Variants in SEC16B observed in about 807,000 individuals in gnomAD.
SEC16B encodes the protein SEC16 homolog B, endoplasmic reticulum export factor.
SEC16B carries 115 observed loss-of-function variants against 141.8 expected under a neutral mutation model. The ratio of observed to expected loss-of-function variants is 0.81; its 90% confidence interval spans 0.70 to 0.95. The LOEUF (loss-of-function observed/expected upper bound fraction) is 0.95, where lower values mean the gene tolerates loss of function less well. Among genes scored for constraint, SEC16B ranks in the 40% least tolerant of loss-of-function variants. The pLI, the probability that SEC16B is intolerant of heterozygous loss-of-function variation, is 0.00. For synonymous variants in SEC16B, 493 were observed against 492.5 expected (o/e 1.00, Z -0.01); for missense variants, 1,291 against 1,312.3 (o/e 0.98, Z 0.25).
chr1:177,936,230 C>G (rs1557968099), intron 20 of SEC16B, 68 bp downstream of exon 20: 3 of 1,337,928 alleles, frequency 2.2e-6, no homozygotes, highest in Non-Finnish European at 3.2e-6. Flanking sequence ...GCTGGGAAAC[C>G]AAGGCAACTG....
At chr1:177,980,133 T>C (rs921829310) in intron 1 of SEC16B, among the ~76,000 whole-genome samples, 15 of 152,212 alleles carry the variant, frequency 9.9e-5, no homozygotes, top group African/African-American at 3.1e-4. Flanking sequence ...TTGCTAGACG[T>C]ATTCCCTTTT....
rs866835306 is a variant in SEC16B, at chr1:177,964,371, G to A, written c.534-92C>T. On this transcript the variant is annotated intron_variant, in intron 4 of 25. Transcript: ENST00000308284. ...GCCGGAAGCTGACCTGCTCCAAAGC[G>A]TGGGCAGGTACCATGTCAGCCTGGG... 27 of 778,432 alleles carry A rather than the reference G, an allele frequency of 3.5e-5. No homozygotes were observed. In the Middle Eastern group the frequency reaches 4.3e-3, roughly 124 times the overall value. 48.2% of individuals were successfully genotyped at this position (778,432 alleles called of 1,614,324 possible).
chr1:177,939,623 C>T, intron 18 of SEC16B, 79 bp downstream of exon 18: 1 of 1,249,954 alleles, frequency 8.0e-7, no homozygotes, highest in Non-Finnish European at 1.1e-6. Flanking sequence ...AGGGCGAGTG[C>T]TTTCATAAAT....
Position 177,951,937 on chromosome 1 carries a change from C to T in SEC16B, c.1522G>A (p.Gly508Arg), listed in dbSNP as rs1208783041. 3 of 1,606,322 alleles carry T rather than the reference C, an allele frequency of 1.9e-6. No individual in the cohort carries two copies. The South Asian group carries it at 3.4e-5, about 18-fold the overall frequency. Residue 508 changes from glycine (G) to arginine (R), a missense_variant, in exon 12 of 26, where the codon GGG (glycine) becomes AGG (arginine). This residue lies in a region of SEC16B where 681 missense variants were observed against 675.5 expected (regional missense o/e 1.01). Transcript: ENST00000308284. The part of the protein sequence containing the change: ...PLQTLFQLMS[G>R]RIPQAATCCG... ...ACCGTGGCTGCCTGTGGAATCCTCC[C>T]CGACATGAGCTGGAAGAGGGTCTGC...
upstream of SEC16B, among the ~76,000 whole-genome samples, chr1:177,972,810 G>C (rs562157067): frequency 6.6e-4 from 100 of 152,282 alleles, no homozygotes; most frequent in Admixed American, 1.3e-3. Context: ...AGGCCTCCAA[G>C]AAGTAATTAG....
At chr1:177,950,230 G>C (rs920654922) in intron 12 of SEC16B, among the ~76,000 whole-genome samples, 1 of 152,088 alleles carries the variant, frequency 6.6e-6, no homozygotes, top group African/African-American at 2.4e-5. Flanking sequence ...CAAGATACGA[G>C]AAAAGGCTCC....
chr1:177,937,706 TTTTGTTTG>T (rs374792336), intron 18 of SEC16B, among the ~76,000 whole-genome samples, 193 bp from the exon 19 acceptor site: 59 of 152,264 alleles, frequency 3.9e-4, no homozygotes, highest in African/African-American at 1.4e-3. Flanking sequence ...GTTTACAGAA[TTTTGTTTG>T]TTTGTTTTTT....
intron 21 of SEC16B, 63 bp from the exon 22 acceptor site, chr1:177,933,375 A>G (rs2101899380): frequency 1.3e-6 from 2 of 1,556,688 alleles, no homozygotes; most frequent in East Asian, 2.4e-5. Flanking sequence ...TATGAGGTTA[A>G]CCCGCCCCCA....
chr1:177,935,792 A>G (rs1369525795), intron 20 of SEC16B, among the ~76,000 whole-genome samples: 1 of 152,158 alleles, frequency 6.6e-6, no homozygotes, highest in East Asian at 1.9e-4. Context: ...TGGGACCAAC[A>G]CTGCCCATTG....
intron 14 of SEC16B, chr1:177,945,520 T>A (rs2101931496): frequency 6.6e-6 from 1 of 152,356 alleles, no homozygotes; most frequent in South Asian, 2.1e-4. Flanking sequence ...ATGAGCTGGG[T>A]ACACTGCCTC....
chr1:177,937,302 A>G lies in SEC16B; in HGVS notation c.2415T>C (p.His805=). ...PRPFYSVPET[H]LPGTGSSVAV... ...CCACGCTGCTGCCAGTCCCTGGTAGATGGGTCTCAGGAACTGAGTAAAAAG... is the reference window on the plus strand; with the variant it reads ...CCACGCTGCTGCCAGTCCCTGGTAGGTGGGTCTCAGGAACTGAGTAAAAAG... The change falls in exon 19 of 26, where the codon CAT becomes CAC. Residue 805 remains histidine, a synonymous_variant. Coordinates refer to ENST00000308284, the MANE Select transcript of SEC16B (RefSeq NM_033127.4). The G allele has an allele frequency of 1.9e-6, 3 of 1,613,826 alleles. No homozygotes were observed. The highest frequency in any genetic ancestry group is 1.7e-6 in the Non-Finnish European group (2 of 1,179,842).
chr1:177,965,567 A>T (rs1653451546), intron 3 of SEC16B, among the ~76,000 whole-genome samples: 1 of 152,226 alleles, frequency 6.6e-6, no homozygotes, highest in Admixed American at 6.5e-5. Context: ...AGCCCAGCAG[A>T]TGTCCTTAAG....
chr1:177,956,717 C>A (rs754310903), intron 10 of SEC16B, among the ~76,000 whole-genome samples: 12 of 152,120 alleles, frequency 7.9e-5, no homozygotes, highest in Non-Finnish European at 1.8e-4. Context: ...GAGTTTTTGA[C>A]TTTACAATGC....
At chr1:177,963,350 A>T (rs1188294608) in intron 5 of SEC16B, among the ~76,000 whole-genome samples, 1 of 151,828 alleles carries the variant, frequency 6.6e-6, no homozygotes, top group South Asian at 2.1e-4. Context: ...CAGGCCTGTA[A>T]TCCCAGCACT....
At position 177,932,799 on chromosome 1, in the gene SEC16B, G is replaced by A; in HGVS notation, c.2831C>T (p.Pro944Leu). 1.2e-6 allele frequency: 2 copies of A among 1,610,608 alleles called. No homozygotes were observed. The highest frequency in any genetic ancestry group is 1.7e-6 in the Non-Finnish European group (2 of 1,178,750). The part of the protein sequence containing the change: ...SSDSPDSEET[P>L]RASSPHQAGL... ...AGCCTGGTGGGGAGAAGATGCTCTG[G>A]GGGTCTCCTGCTTTGTGGAGAAAGA... Residue 944 changes from proline to leucine, a missense_variant, in exon 23 of 26, where the codon CCC (proline) becomes CTC (leucine). Physicochemically the swap from Pro to Leu is moderately conservative, Grantham distance 98. Coordinates refer to ENST00000308284, the MANE Select transcript of SEC16B (RefSeq NM_033127.4).
In SEC16B at chr1:177,964,245, C is replaced by T. The variant is rs1653323038; in HGVS notation, c.568G>A (p.Ala190Thr). The change falls in exon 5 of 26, where the codon GCT becomes ACT. Residue 190 changes from alanine to threonine, a missense_variant. Physicochemically the swap from Ala to Thr is moderately conservative, Grantham distance 58 (BLOSUM62 0). Around this residue, in one of 3 missense-constraint regions of SEC16B, gnomAD observed 681 missense variants for 675.5 expected, o/e 1.01. Transcript: ENST00000308284. Reference sequence around the variant, plus strand: ...GGCCACTCCTGTCCAGAGTTGGAAGCAGGGCTGTCTTTACAAGGGTTCCTA... The same window carrying T: ...GGCCACTCCTGTCCAGAGTTGGAAGTAGGGCTGTCTTTACAAGGGTTCCTA... ...NSRNPCKDSP[A>T]SNSGQEWPGE... 1 of 1,613,570 alleles carries T rather than the reference C, an allele frequency of 6.2e-7. No homozygotes were observed. Among genetic ancestry groups the T allele is most frequent in the Non-Finnish European group, 8.5e-7 (1 of 1,179,730 alleles).
At position 177,958,227 on chromosome 1, in the gene SEC16B, G is replaced by T. The variant is rs1306498648; in HGVS notation, c.1270C>A (p.Pro424Thr). 1 of 1,604,618 alleles carries T rather than the reference G, an allele frequency of 6.2e-7. No homozygotes were observed. The highest frequency in any genetic ancestry group is 8.5e-7 in the Non-Finnish European group (1 of 1,175,344). ...GGGATCTCTCCCGTGAGCAGGTTCG[G>T]GGTCCCAGAGCTCAGCACTGGCCAG... is the stretch of plus-strand genomic sequence containing the variant. ...EDWPVLSSGT[P>T]NLLTGEIPPS... The change falls in exon 10 of 26, where the codon CCG (proline) becomes ACG (threonine). Residue 424 changes from proline (P) to threonine (T), a missense_variant. By Grantham distance (38) the Pro-to-Thr change is conservative (BLOSUM62 -1). Around this residue, in one of 3 missense-constraint regions of SEC16B, gnomAD observed 681 missense variants for 675.5 expected, o/e 1.01. Coordinates refer to ENST00000308284, the MANE Select transcript of SEC16B (RefSeq NM_033127.4).
chr1:177,967,116 G>C (rs1653587794), intron 2 of SEC16B, among the ~76,000 whole-genome samples: 1 of 152,064 alleles, frequency 6.6e-6, no homozygotes, highest in Non-Finnish European at 1.5e-5. Context: ...TCCGAACTTG[G>C]AGCCTGCAGG....
chr1:177,950,901 A>G (rs931971263), intron 12 of SEC16B, among the ~76,000 whole-genome samples: 23 of 146,708 alleles, frequency 1.6e-4, no homozygotes, highest in African/African-American at 5.2e-4. Context: ...GGAAGGAAAG[A>G]AGGAAGGAAG....
Sources: allele counts gnomAD v4.1 joint callset (sites outside exome capture counted in the v4.1 genomes callset), GRCh38; gene constraint gnomAD v4.1.1; regional missense constraint gnomAD v4.1.1; transcripts MANE v1.5; gene names NCBI Gene and HGNC (gene_info 2026-07-23, HGNC 2026-07-21).